Variants in CSMD1 observed in about 807,000 individuals in gnomAD.
CSMD1 encodes CUB and sushi domain-containing protein 1.
CSMD1 carries 213 observed loss-of-function variants against 417.5 expected under a neutral mutation model. That is an observed-to-expected ratio of 0.51 (90% CI 0.46 to 0.57). The LOEUF is 0.57. Among genes scored for constraint, CSMD1 ranks in the 20% least tolerant of loss-of-function variants. CSMD1 has a pLI of 0.00. For synonymous variants in CSMD1, 2,862 were observed against 1,736.8 expected (o/e 1.65, Z -16.11); for missense variants, 6,923 against 4,529.7 (o/e 1.53, Z -15.17).
Position 4,291,095 on chromosome 8 carries a change from C to G in CSMD1, c.415+128858G>C, listed in dbSNP as rs146794826. On this transcript the variant is annotated intron_variant, in intron 3 of 69. Transcript: ENST00000635120. ...ATTTCCTGTTTTATTTTGTGTAATA[C>G]AAACACAACTTCTAAATGTTTCTAT... is the stretch of plus-strand genomic sequence containing the variant. Among the ~76,000 whole-genome samples the G allele has an allele frequency of 5.9e-4, 89 of 152,128 alleles. 1 individual carries two copies. Among genetic ancestry groups the G allele is most frequent in the African/African-American group, 2.0e-3 (81 of 41,512 alleles).
rs149525313 is a variant in CSMD1 at position 3,574,971 on chromosome 8, C to G, written c.1318G>C (p.Val440Leu). 1.0e-4 allele frequency: 166 copies of G among 1,612,740 alleles called. No individual in the cohort carries two copies. In the African/African-American group the frequency reaches 1.8e-3, roughly 18 times the overall value. ...TTGTCCGGGTCGGTGGTGGTGATGA[C>G]CCACACACAGTGTGCATTATCTTCA... ...QYEDNAHCVW[V>L]ITTTDPDKVI... The change falls in exon 10 of 70, where the codon GTC (valine) becomes CTC (leucine). Residue 440 changes from valine to leucine, a missense_variant. Coordinates refer to ENST00000635120, the MANE Select transcript of CSMD1 (RefSeq NM_033225.6).
At chr8:3,846,966 C>G (rs4875789) in intron 5 of CSMD1, among the ~76,000 whole-genome samples, 1 of 152,004 alleles carries the variant, frequency 6.6e-6, no homozygotes, top group African/African-American at 2.4e-5. Context: ...TGAGCCACTG[C>G]GCCTGGCCCC....
At chr8:4,228,075 C>A (rs1341949072) in intron 3 of CSMD1, among the ~76,000 whole-genome samples, 1 of 152,074 alleles carries the variant, frequency 6.6e-6, no homozygotes, top group Non-Finnish European at 1.5e-5. Context: ...GCATTAAACC[C>A]CACACCAGGA....
chr8:3,741,073 G>C (rs1316028724), intron 6 of CSMD1, among the ~76,000 whole-genome samples: 1 of 152,184 alleles, frequency 6.6e-6, no homozygotes, highest in South Asian at 2.1e-4. Flanking sequence ...AAATTAGCCA[G>C]GTGTGGTGAT....
In CSMD1 at chr8:4,030,840, T is replaced by G. The variant is rs184388466; in HGVS notation, c.610+1065A>C. Among the ~76,000 whole-genome samples, 764 of 152,298 alleles carry G rather than the reference T, an allele frequency of 5.0e-3. 4 individuals are homozygous for G. The highest frequency in any genetic ancestry group is 0.013 in the South Asian group (63 of 4,830). ...GCACCCAAGACACCTCTTGAATGCTTTGCTGCTTAGAAATTTATTCCTCCA... is the reference window on the plus strand; with the variant it reads ...GCACCCAAGACACCTCTTGAATGCTGTGCTGCTTAGAAATTTATTCCTCCA... On this transcript the variant is annotated intron_variant, in intron 4 of 69. Transcript: ENST00000635120.
chr8:3,864,286 C>G (rs904128628), intron 5 of CSMD1, among the ~76,000 whole-genome samples: 1 of 152,054 alleles, frequency 6.6e-6, no homozygotes, highest in Non-Finnish European at 1.5e-5. Flanking sequence ...AATAATTTGG[C>G]CAATATTTGT....
chr8:4,542,876 C>T (rs778048928), intron 2 of CSMD1, among the ~76,000 whole-genome samples: 5 of 152,056 alleles, frequency 3.3e-5, no homozygotes, highest in Non-Finnish European at 5.9e-5. Context: ...TTCTATCACT[C>T]TAATAGAAAT....
At chr8:4,109,446 A>C (rs1302558939) in intron 3 of CSMD1, among the ~76,000 whole-genome samples, 1 of 152,226 alleles carries the variant, frequency 6.6e-6, no homozygotes, top group Non-Finnish European at 1.5e-5. Context: ...TTGGGAATTG[A>C]GTACCACACC....
At chr8:4,916,891 A>G (rs550735889) in intron 1 of CSMD1, among the ~76,000 whole-genome samples, 1 of 152,340 alleles carries the variant, frequency 6.6e-6, no homozygotes, top group East Asian at 1.9e-4. Context: ...TCAGCATTAC[A>G]GTTTTTGACT....
chr8:4,993,768 C>T (rs1239722910), intron 1 of CSMD1, among the ~76,000 whole-genome samples: 1 of 152,164 alleles, frequency 6.6e-6, no homozygotes. Flanking sequence ...TACTCCTCGC[C>T]GGCTGAGGAC....
chr8:4,775,423 C>A (rs911376028), intron 1 of CSMD1, among the ~76,000 whole-genome samples: 1 of 151,316 alleles, frequency 6.6e-6, no homozygotes, highest in South Asian at 2.1e-4. Flanking sequence ...TACAATAAAA[C>A]AGAATCTAAA....
In CSMD1 at chr8:3,396,272, T is replaced by C; in HGVS notation, c.2515A>G (p.Ser839Gly). 1 of 1,595,382 alleles carries C rather than the reference T, an allele frequency of 6.3e-7. No individual in the cohort carries two copies. The highest frequency in any genetic ancestry group is 8.5e-7 in the Non-Finnish European group (1 of 1,170,776). Residue 839 changes from serine (S) to glycine (G), a missense_variant, in exon 17 of 70, where the codon AGC becomes GGC. Physicochemically the swap from Ser to Gly is moderately conservative, Grantham distance 56 (BLOSUM62 0). Transcript: ENST00000635120. ...AGCAGGTACATGAAGTTCCCGGTGC[T>C]GATGAGGAACTGGGGTGCCTGGGTG... ...HGTQAPQFLI[S>G]TGNFMYLLFT...
chr8:3,468,886 G>C lies in CSMD1; in HGVS notation c.1449-62C>G, dbSNP rs544401737. ...GCAACAAGTACATCGACTTCCACCT[G>C]AAAGGAGGGTCTTGCTGCTTTAAAC... is the stretch of plus-strand genomic sequence containing the variant. On this transcript the variant is annotated intron_variant, in intron 11 of 69. Transcript: ENST00000635120. 165 of 1,098,726 alleles carry C rather than the reference G, an allele frequency of 1.5e-4. No homozygotes were observed. The African/African-American group carries it at 2.4e-3, about 16-fold the overall frequency. The allele number at this position is 1,098,726 out of a possible 1,614,324, so 68.1% of individuals were successfully genotyped here.
At chr8:3,783,952 T>A (rs1441924653) in intron 5 of CSMD1, among the ~76,000 whole-genome samples, 1 of 152,188 alleles carries the variant, frequency 6.6e-6, no homozygotes, top group South Asian at 2.1e-4. Context: ...GATTTACCTA[T>A]TACCTGCCCT....
intron 3 of CSMD1, among the ~76,000 whole-genome samples, chr8:4,379,525 A>C (rs1802966505): frequency 6.6e-6 from 1 of 152,196 alleles, no homozygotes; most frequent in South Asian, 2.1e-4. Context: ...AAGTGGGTGA[A>C]GTATATATAG....
intron 5 of CSMD1, among the ~76,000 whole-genome samples, chr8:3,837,330 C>T (rs969242836): frequency 2.0e-5 from 3 of 152,090 alleles, no homozygotes; most frequent in Non-Finnish European, 2.9e-5. Flanking sequence ...GTATTCATTT[C>T]TACATCAGAG....
intron 2 of CSMD1, among the ~76,000 whole-genome samples, chr8:4,571,749 T>C (rs1282734011): frequency 6.6e-6 from 1 of 152,206 alleles, no homozygotes; most frequent in African/African-American, 2.4e-5. Flanking sequence ...CCACTATTAT[T>C]GTGTGGGAGT....
intron 10 of CSMD1, among the ~76,000 whole-genome samples, chr8:3,553,990 C>G (rs181366233): frequency 6.4e-4 from 97 of 152,140 alleles, no homozygotes; most frequent in African/African-American, 2.1e-3. Context: ...GTGAAATTTG[C>G]TTTCTCTAGG....
chr8:4,726,125 C>A (rs1329932209), intron 1 of CSMD1, among the ~76,000 whole-genome samples: 1 of 152,070 alleles, frequency 6.6e-6, no homozygotes, highest in Non-Finnish European at 1.5e-5. Context: ...GAGGACAAGA[C>A]GTCATCTGGG....
Sources: gnomAD v4.1 joint callset for allele counts (sites outside exome capture counted in the v4.1 genomes callset) on GRCh38, gnomAD v4.1.1 for gene constraint, MANE v1.5 for transcripts, NCBI Gene and HGNC (gene_info 2026-07-23, HGNC 2026-07-21) for gene names.